RXFP2: variants seen among roughly 807,000 people sequenced by gnomAD.
RXFP2 encodes relaxin family peptide receptor 2, also known as relaxin receptor 2.
RXFP2 carries 68 observed loss-of-function variants against 88.6 expected under a neutral mutation model. That is an observed-to-expected ratio of 0.77 (90% CI 0.63 to 0.94). RXFP2 has a LOEUF of 0.94. Among genes scored for constraint, RXFP2 ranks in the 40% least tolerant of loss-of-function variants. The pLI is 0.00. For missense variants in RXFP2, 791 were observed against 893.9 expected, an observed-to-expected ratio of 0.88 and a Z score of 1.47; for synonymous variants, 329 against 306.8, an observed-to-expected ratio of 1.07 and a Z score of -0.76.
At position 31,739,898 on chromosome 13, in the gene RXFP2, A is replaced by AT. The variant is rs1835435797; in HGVS notation, c.94+197dup. Reference sequence around the variant, plus strand: ...GCCTAGTAATTTTTAGATGCAACAAATTTTTCATGGAAACAAGCCTTTGTA... The same window carrying AT: ...GCCTAGTAATTTTTAGATGCAACAAATTTTTTCATGGAAACAAGCCTTTGTA... On this transcript the variant is annotated intron_variant, in intron 1 of 17. Transcript: ENST00000298386. 3.3e-5 allele frequency among the ~76,000 whole-genome samples: 5 copies of AT among 152,214 alleles called. No homozygotes were observed. In the South Asian group the frequency reaches 1.0e-3, roughly 32 times the overall value.
intron 16 of RXFP2, 31 bp from the exon 17 acceptor site, chr13:31,797,170 T>A: frequency 6.9e-7 from 1 of 1,444,772 alleles, no homozygotes; most frequent in Non-Finnish European, 9.7e-7. Flanking sequence ...CTTTTACGCC[T>A]GAGATGTTAA....
chr13:31,763,548 A>C (rs2138413651), intron 3 of RXFP2, among the ~76,000 whole-genome samples: 1 of 152,350 alleles, frequency 6.6e-6, no homozygotes, highest in South Asian at 2.1e-4. Context: ...TAGAGGAGAA[A>C]GAATGATGAT....
At chr13:31,740,325 CA>C (rs1304124713) in intron 1 of RXFP2, among the ~76,000 whole-genome samples, 1 of 151,780 alleles carries the variant, frequency 6.6e-6, no homozygotes. Flanking sequence ...TAAAGCTCAC[CA>C]AAAAATAAAA....
chr13:31,743,084 A>G (rs1408949789), intron 1 of RXFP2, among the ~76,000 whole-genome samples: 4 of 152,232 alleles, frequency 2.6e-5, no homozygotes, highest in African/African-American at 9.6e-5. Context: ...GTGAAGGTCA[A>G]TGTTGTTATC....
Position 31,758,267 on chromosome 13 carries a change from T to G in RXFP2, c.104T>G (p.Leu35Arg). The change falls in exon 2 of 18, where the codon CTG (leucine) becomes CGG (arginine). Residue 35 changes from leucine (L) to arginine (R), a missense_variant. Physicochemically the swap from Leu to Arg is moderately radical, Grantham distance 102. Coordinates refer to ENST00000298386, the MANE Select transcript of RXFP2 (RefSeq NM_130806.5). Reference protein sequence around the residue: ...IVLINVKDFALTQGSMITPSC... With the variant: ...IVLINVKDFARTQGSMITPSC... ...CCCTTCTTTCATGTAGATTTTGCAC[T>G]GACTCAAGGTAGCATGATCACTCCT... 6.2e-7 allele frequency: 1 copy of G among 1,614,078 alleles called. No individual in the cohort carries two copies. Among genetic ancestry groups the G allele is most frequent in the Non-Finnish European group, 8.5e-7 (1 of 1,179,968 alleles).
rs964085978 is a variant in RXFP2, at chr13:31,766,130, C to T, written c.497+103C>T. 16 of 693,188 alleles carry T rather than the reference C, an allele frequency of 2.3e-5. No individual in the cohort carries two copies. The Admixed American group carries it at 2.5e-4, about 11-fold the overall frequency. The allele number at this position is 693,188 out of a possible 1,614,324, so 42.9% of individuals were successfully genotyped here. On this transcript the variant is annotated intron_variant, in intron 5 of 17. Coordinates refer to ENST00000298386, the MANE Select transcript of RXFP2 (RefSeq NM_130806.5). ...ATATTGTTTGTTATCTTTATCATTA[C>T]ATTTATGTTTCTAAATGTAATTAAG...
chr13:31,760,107 A>C (rs1397679365), intron 2 of RXFP2, among the ~76,000 whole-genome samples: 2 of 147,536 alleles, frequency 1.4e-5, no homozygotes, highest in Non-Finnish European at 3.0e-5. Context: ...TTTGTTTTAG[A>C]GATGGAGTCT....
chr13:31,766,138 T>C, intron 5 of RXFP2, 111 bp downstream of exon 5: 1 of 671,380 alleles, frequency 1.5e-6, no homozygotes, highest in Non-Finnish European at 2.7e-6. Context: ...TACATTTATG[T>C]TTCTAAATGT....
In RXFP2 at chr13:31,775,388, C is replaced by T; in HGVS notation, c.640C>T (p.Leu214=). Reference sequence around the variant, plus strand: ...CAAAGACTTACATCAGCTAACTTGGCTGTAAGTACTCTAATTCTTCTTTCT... The same window carrying T: ...CAAAGACTTACATCAGCTAACTTGGTTGTAAGTACTCTAATTCTTCTTTCT... ...IFKDLHQLTW[L]ILDDNPITRI... The change falls in exon 7 of 18, where the codon CTA becomes TTA. Residue 214 remains leucine, a splice_region_variant and synonymous_variant. Coordinates refer to ENST00000298386, the MANE Select transcript of RXFP2 (RefSeq NM_130806.5). 1.2e-6 allele frequency: 2 copies of T among 1,601,886 alleles called. No individual in the cohort carries two copies. Among genetic ancestry groups the T allele is most frequent in the Non-Finnish European group, 1.7e-6 (2 of 1,168,920 alleles).
At chr13:31,773,568 C>T (rs550654810) in intron 5 of RXFP2, among the ~76,000 whole-genome samples, 1 of 152,104 alleles carries the variant, frequency 6.6e-6, no homozygotes, top group East Asian at 1.9e-4. Context: ...TTCATCTCCC[C>T]GCTTCCTGAC....
chr13:31,760,395 T>C (rs1378779151), intron 2 of RXFP2, among the ~76,000 whole-genome samples: 1 of 152,124 alleles, frequency 6.6e-6, no homozygotes, highest in Non-Finnish European at 1.5e-5. Flanking sequence ...TTGGCCCTTA[T>C]CATTGTATTT....
At chr13:31,785,088 G>A (rs6563805) in intron 11 of RXFP2, among the ~76,000 whole-genome samples, 25,032 of 152,040 alleles carry the variant, frequency 0.16, 2,113 homozygotes, top group African/African-American at 0.21. Context: ...TTAATGGGCC[G>A]AAGAATCACA....
chr13:31,768,370 T>G (rs988786643), intron 5 of RXFP2, among the ~76,000 whole-genome samples: 2 of 152,200 alleles, frequency 1.3e-5, no homozygotes, highest in Non-Finnish European at 2.9e-5. Context: ...AAAACACAAT[T>G]GCTTACAGTC....
intron 16 of RXFP2, among the ~76,000 whole-genome samples, chr13:31,796,330 C>A (rs916762847): frequency 2.0e-5 from 3 of 151,208 alleles, no homozygotes; most frequent in Non-Finnish European, 4.4e-5. Flanking sequence ...ATTCTTAAGA[C>A]CAAAAACATT....
chr13:31,783,857 C>T (rs1873398816), intron 11 of RXFP2, among the ~76,000 whole-genome samples: 1 of 151,980 alleles, frequency 6.6e-6, no homozygotes, highest in South Asian at 2.1e-4. Flanking sequence ...GCTCTTGTCA[C>T]CCAGGCTGGA....
chr13:31,758,544 G>A (rs1393759613), intron 2 of RXFP2, 140 bp downstream of exon 2: 3 of 912,558 alleles, frequency 3.3e-6, no homozygotes, highest in Non-Finnish European at 5.1e-6. Flanking sequence ...CACAAATAAT[G>A]ACTCCCCAAT....
Position 31,792,810 on chromosome 13 carries a change from T to G in RXFP2, c.1508T>G (p.Met503Arg), listed in dbSNP as rs374207939. 1 of 1,614,192 alleles carries G rather than the reference T, an allele frequency of 6.2e-7. No individual in the cohort carries two copies. Among genetic ancestry groups the G allele is most frequent in the Non-Finnish European group, 8.5e-7 (1 of 1,180,036 alleles). ...TGCCGCCTCATGGGGTTCCTGGCCATGCTGTCCACCGAAGTCTCTGTTCTG... is the reference window on the plus strand; with the variant it reads ...TGCCGCCTCATGGGGTTCCTGGCCAGGCTGTCCACCGAAGTCTCTGTTCTG... ...VQCRLMGFLAMLSTEVSVLLL... is the reference protein window; with the variant it reads ...VQCRLMGFLARLSTEVSVLLL... The change falls in exon 16 of 18, where the codon ATG (methionine) becomes AGG (arginine). Residue 503 changes from methionine (M) to arginine (R), a missense_variant. Coordinates refer to ENST00000298386, the MANE Select transcript of RXFP2 (RefSeq NM_130806.5).
intron 11 of RXFP2, among the ~76,000 whole-genome samples, chr13:31,785,997 C>T (rs773892940): frequency 1.3e-5 from 2 of 152,074 alleles, no homozygotes; most frequent in Non-Finnish European, 2.9e-5. Flanking sequence ...GACTTGACCT[C>T]GAAAAGTGTA....
At chr13:31,792,150 C>A in intron 15 of RXFP2, 115 bp downstream of exon 15, 1 of 785,466 alleles carries the variant, frequency 1.3e-6, no homozygotes, top group Non-Finnish European at 2.0e-6. Context: ...ATTATACATC[C>A]TGGGCACATT....
Sources: allele counts gnomAD v4.1 joint callset (sites outside exome capture counted in the v4.1 genomes callset), GRCh38; gene constraint gnomAD v4.1.1; transcripts MANE v1.5; gene names NCBI Gene and HGNC (gene_info 2026-07-23, HGNC 2026-07-21).